CD247: variants seen among roughly 807,000 people sequenced by gnomAD.
The protein encoded by CD247 is T-cell surface glycoprotein CD3 zeta chain.
Under a neutral mutation model 30.0 loss-of-function variants are expected in CD247, and 13 were observed. That is an observed-to-expected ratio of 0.43 (90% confidence interval 0.28 to 0.69). The LOEUF (loss-of-function observed/expected upper bound fraction) is 0.69, where lower values mean the gene tolerates loss of function less well. Ranked by LOEUF, CD247 falls within the 30% of genes least tolerant of loss-of-function variation. The pLI, the probability that CD247 is intolerant of heterozygous loss-of-function variation, is 0.16. For missense variants in CD247, 193 were observed against 212.6 expected, an observed-to-expected ratio of 0.91 and a Z score of 0.57; for synonymous variants, 72 against 80.0, an observed-to-expected ratio of 0.90 and a Z score of 0.53.
In CD247 at chr1:167,492,596, C is replaced by T. The variant is rs148034648; in HGVS notation, c.58+25812G>A. Among the ~76,000 whole-genome samples the T allele has an allele frequency of 6.0e-4, 91 of 152,348 alleles. 1 individual carries two copies. The highest frequency in any genetic ancestry group is 2.1e-3 in the African/African-American group (88 of 41,576). On this transcript the variant is annotated intron_variant, in intron 1 of 7. Transcript: ENST00000362089. Reference sequence around the variant, plus strand: ...TTTTCCTTTCTGGTCACGTAGGCTGCTGTCTTCGGCTTCGATTCGTAAGCC... The same window carrying T: ...TTTTCCTTTCTGGTCACGTAGGCTGTTGTCTTCGGCTTCGATTCGTAAGCC...
At chr1:167,490,653 T>C (rs1324668053) in intron 1 of CD247, among the ~76,000 whole-genome samples, 20 of 150,480 alleles carry the variant, frequency 1.3e-4, no homozygotes, top group Non-Finnish European at 3.0e-5. Flanking sequence ...TTTTTGAAGG[T>C]CGGGTACAGT....
intron 1 of CD247, among the ~76,000 whole-genome samples, chr1:167,506,425 G>T (rs1027399721): frequency 1.6e-4 from 23 of 144,956 alleles, no homozygotes; most frequent in Middle Eastern, 3.5e-3. Context: ...ACGGCTCACT[G>T]CAACCTCCGC....
chr1:167,490,335 A>G (rs1169946346), intron 1 of CD247, among the ~76,000 whole-genome samples: 2 of 152,192 alleles, frequency 1.3e-5, no homozygotes, highest in East Asian at 3.9e-4. Context: ...TTTAGAAATT[A>G]TATTTGAGGC....
intron 1 of CD247, among the ~76,000 whole-genome samples, chr1:167,462,592 AAGG>A (rs924154347): frequency 1.3e-5 from 2 of 152,216 alleles, no homozygotes; most frequent in African/African-American, 4.8e-5. Context: ...TAAGCCAGAA[AAGG>A]AGGAGAACTG....
At chr1:167,471,409 C>T (rs1403203749) in intron 1 of CD247, among the ~76,000 whole-genome samples, 4 of 152,196 alleles carry the variant, frequency 2.6e-5, no homozygotes, top group Non-Finnish European at 1.5e-5. Flanking sequence ...TGTGTTCTCA[C>T]CACACTGGGT....
At chr1:167,432,161 A>G (rs1651303376) in intron 7 of CD247, among the ~76,000 whole-genome samples, 1 of 152,222 alleles carries the variant, frequency 6.6e-6, no homozygotes, top group African/African-American at 2.4e-5. Flanking sequence ...CTGGGCCCAA[A>G]GGAAGCCTGG....
chr1:167,455,083 C>T (rs1385771335), intron 1 of CD247, among the ~76,000 whole-genome samples: 1 of 152,198 alleles, frequency 6.6e-6, no homozygotes, highest in Admixed American at 6.5e-5. Flanking sequence ...GCCGCCCGCC[C>T]GGACGCAAGG....
At position 167,440,776 on chromosome 1, in the gene CD247, A is replaced by G. The variant is rs1216560896; in HGVS notation, c.59-9T>C. ...GCCAAAGCTCTGTGCCTCTGTGCCA[A>G]GAGATAAAGCTGGTCAGCCAGGCCC... On this transcript the variant is annotated splice_polypyrimidine_tract_variant and intron_variant, in intron 1 of 7. Transcript: ENST00000362089. 6.2e-7 allele frequency: 1 copy of G among 1,602,524 alleles called. No individual in the cohort carries two copies. The highest frequency in any genetic ancestry group is 1.7e-5 in the Admixed American group (1 of 59,864).
intron 1 of CD247, among the ~76,000 whole-genome samples, chr1:167,502,925 C>T (rs538624816): frequency 3.3e-5 from 5 of 152,290 alleles, no homozygotes; most frequent in African/African-American, 1.2e-4. Context: ...TGACTTTGGA[C>T]TTTTAGCCTT....
chr1:167,439,357 T>G lies in CD247; in HGVS notation c.206A>C (p.Asn69Thr), dbSNP rs768607376. Residue 69 changes from asparagine to threonine, a missense_variant, in exon 3 of 8, where the codon AAC becomes ACC. By Grantham distance (65) the Asn-to-Thr change is moderately conservative. Transcript: ENST00000362089. The stretch of plus-strand genomic sequence containing the variant: ...AGGCTGACTTACGTTATAGAGCTGG[T>G]TCTGGCCCTGCTGGTACGCGGGGGC... ...ADAPAYQQGQNQLYNELNLGR... is the reference protein window; with the variant it reads ...ADAPAYQQGQTQLYNELNLGR... The G allele has an allele frequency of 1.5e-5, 24 of 1,614,000 alleles. No homozygotes were observed. The highest frequency in any genetic ancestry group is 1.9e-5 in the Non-Finnish European group (22 of 1,179,964).
intron 1 of CD247, among the ~76,000 whole-genome samples, chr1:167,450,881 C>T (rs918695308): frequency 1.0e-4 from 15 of 148,080 alleles, no homozygotes; most frequent in African/African-American, 3.8e-4. Context: ...CCACTGCAAT[C>T]CCACCTGGTG....
intron 1 of CD247, among the ~76,000 whole-genome samples, chr1:167,483,581 A>G (rs1259001335): frequency 6.6e-6 from 1 of 152,212 alleles, no homozygotes; most frequent in Non-Finnish European, 1.5e-5. Context: ...TGGCTCAGAA[A>G]ATAGGCCACA....
chr1:167,477,296 A>G (rs1300979899), intron 1 of CD247, among the ~76,000 whole-genome samples: 1 of 152,206 alleles, frequency 6.6e-6, no homozygotes, highest in African/African-American at 2.4e-5. Context: ...AAAGCCCATG[A>G]CCTTGACAAT....
At chr1:167,457,601 T>C (rs923671688) in intron 1 of CD247, 1 of 152,246 alleles carries the variant, frequency 6.6e-6, no homozygotes, top group African/African-American at 2.4e-5. Flanking sequence ...CTCTTGAGTC[T>C]TCCTAAATAT....
At chr1:167,474,634 G>A (rs1367276844) in intron 1 of CD247, among the ~76,000 whole-genome samples, 9 of 151,408 alleles carry the variant, frequency 5.9e-5, no homozygotes, top group Non-Finnish European at 7.4e-5. Flanking sequence ...AGACACCAGC[G>A]AAGACTACTG....
At chr1:167,452,341 G>T (rs1329174754) in intron 1 of CD247, among the ~76,000 whole-genome samples, 1 of 151,892 alleles carries the variant, frequency 6.6e-6, no homozygotes, top group Non-Finnish European at 1.5e-5. Context: ...TTGAACCCGG[G>T]AGGCGGAGGC....
In CD247 at chr1:167,494,935, T is replaced by C. The variant is rs1042516696; in HGVS notation, c.58+23473A>G. Among the ~76,000 whole-genome samples, 1 of 152,200 alleles carries C rather than the reference T, an allele frequency of 6.6e-6. No individual in the cohort carries two copies. Among genetic ancestry groups the C allele is most frequent in the Non-Finnish European group, 1.5e-5 (1 of 68,026 alleles). On this transcript the variant is annotated intron_variant, in intron 1 of 7. Transcript: ENST00000362089. The surrounding 1 kb of genome is among the most constrained non-coding windows in gnomAD (Gnocchi z 7.3). ...CCCAGGTGACTTGCCTTGGCTGGGC[T>C]GGACTCTGTTCTCTCCCCACCTGGA... is the stretch of plus-strand genomic sequence containing the variant.
chr1:167,453,011 A>C (rs1295547395), intron 1 of CD247, among the ~76,000 whole-genome samples: 1 of 134,054 alleles, frequency 7.5e-6, no homozygotes, highest in Non-Finnish European at 1.6e-5. Context: ...GTGTGTGTGC[A>C]TATATATATA....
At chr1:167,438,766 G>A in intron 3 of CD247, 116 bp from the exon 4 acceptor site, 1 of 796,866 alleles carries the variant, frequency 1.3e-6, no homozygotes, top group Non-Finnish European at 2.3e-6. Flanking sequence ...AGAGGGGCAG[G>A]GGCTGGGGAG....
Sources: allele counts gnomAD v4.1 joint callset (sites outside exome capture counted in the v4.1 genomes callset), GRCh38; gene constraint gnomAD v4.1.1; non-coding constraint Gnocchi (gnomAD v3.1); transcripts MANE v1.5; gene names NCBI Gene and HGNC (gene_info 2026-07-23, HGNC 2026-07-21).